Variants in GPHN observed in about 807,000 individuals in gnomAD.
GPHN encodes gephyrin.
In GPHN, 17 loss-of-function variants were observed where a neutral mutation model predicts 95.5. The observed-to-expected ratio is 0.18, with a 90% CI of 0.12 to 0.27. The LOEUF is 0.27. GPHN is among the 10% of genes least tolerant of loss of function. The probability of loss-of-function intolerance (pLI) is 1.00; values close to 1 mark genes in which losing one functional copy is unlikely to be tolerated. For synonymous variants in GPHN, 320 were observed against 322.5 expected (o/e 0.99, Z 0.08); for missense variants, 660 against 978.1 (o/e 0.67, Z 4.34).
At chr14:67,159,294 C>T (rs2153717578) in intron 18 of GPHN, 121 bp from the exon 19 acceptor site, 1 of 743,654 alleles carries the variant, frequency 1.3e-6, no homozygotes, top group East Asian at 2.6e-5. Context: ...AAATCAACTC[C>T]ATTAAAATAA....
chr14:66,724,522 G>A (rs2071050385), intron 2 of GPHN, among the ~76,000 whole-genome samples: 1 of 152,130 alleles, frequency 6.6e-6, no homozygotes, highest in Admixed American at 6.5e-5. Context: ...CTGAGGGGCT[G>A]GAGTGGGAAG....
At chr14:66,767,217 T>C (rs2058992843) in intron 2 of GPHN, among the ~76,000 whole-genome samples, 2 of 152,108 alleles carry the variant, frequency 1.3e-5, no homozygotes, top group South Asian at 4.1e-4. Context: ...ATAATTCCCT[T>C]AGTTAGTCCC....
the GPHN span, among the ~76,000 whole-genome samples, chr14:67,515,840 C>A: frequency 6.7e-6 from 1 of 150,072 alleles, no homozygotes; most frequent in East Asian, 2.0e-4. Flanking sequence ...TGTGGACCTG[C>A]GGTCAGTTCA....
intron 8 of GPHN, among the ~76,000 whole-genome samples, chr14:66,951,873 T>C (rs1201505777): frequency 6.6e-6 from 1 of 152,058 alleles, no homozygotes; most frequent in African/African-American, 2.4e-5. Context: ...ATAAATGAAA[T>C]TGGACCCCCT....
chr14:66,715,441 T>C (rs1456538102), intron 2 of GPHN, among the ~76,000 whole-genome samples: 1 of 152,136 alleles, frequency 6.6e-6, no homozygotes, highest in Non-Finnish European at 1.5e-5. Flanking sequence ...TTTTGTTTCA[T>C]TTATCTTTTG....
chr14:66,672,333 G>T (rs2066343820), intron 1 of GPHN, among the ~76,000 whole-genome samples: 1 of 152,104 alleles, frequency 6.6e-6, no homozygotes, highest in Admixed American at 6.5e-5. Context: ...TGTGAACGTG[G>T]TCCTTTTGGT....
chr14:66,709,376 C>T (rs945972144), intron 2 of GPHN: 2 of 455,858 alleles, frequency 4.4e-6, no homozygotes, highest in Admixed American at 2.4e-5. Flanking sequence ...TCCAAAACTG[C>T]CAGTGAATGG....
chr14:66,970,861 T>C (rs2069711215), intron 9 of GPHN, among the ~76,000 whole-genome samples: 2 of 152,352 alleles, frequency 1.3e-5, no homozygotes, highest in South Asian at 4.1e-4. Context: ...AAATATGTTT[T>C]CTTTTGTGAA....
chr14:66,686,290 A>AT (rs1302558264), intron 2 of GPHN, among the ~76,000 whole-genome samples: 8 of 152,182 alleles, frequency 5.3e-5, no homozygotes, highest in Non-Finnish European at 1.0e-4. Flanking sequence ...GAAGAAAGTC[A>AT]TGGTAGCTTG....
the GPHN span, among the ~76,000 whole-genome samples, chr14:67,505,308 T>C: frequency 6.6e-6 from 1 of 152,134 alleles, no homozygotes; most frequent in Admixed American, 6.5e-5. Flanking sequence ...CTGGCCCTCC[T>C]GTCAAGCTGG....
chr14:67,578,406 C>T, the GPHN span: 1 of 814,676 alleles, frequency 1.2e-6, no homozygotes, highest in Non-Finnish European at 2.0e-6. This position sits in a 1 kb window ranked among gnomAD's most constrained non-coding sequence, Gnocchi z 5.0. Context: ...TTGGCCATCC[C>T]AGCACCCAGA....
At chr14:66,835,131 T>C (rs2061741716) in intron 4 of GPHN, among the ~76,000 whole-genome samples, 1 of 151,640 alleles carries the variant, frequency 6.6e-6, no homozygotes, top group South Asian at 2.1e-4. Flanking sequence ...TTGTGTCTAT[T>C]TGATTCTTCT....
intron 2 of GPHN, among the ~76,000 whole-genome samples, chr14:66,731,340 T>C (rs1396753995): frequency 6.6e-6 from 1 of 152,100 alleles, no homozygotes; most frequent in African/African-American, 2.4e-5. Context: ...GACAGGAAAA[T>C]GTGGGAAAGT....
intron 11 of GPHN, among the ~76,000 whole-genome samples, chr14:67,067,344 T>G (rs1035962187): frequency 6.6e-6 from 1 of 152,162 alleles, no homozygotes; most frequent in Non-Finnish European, 1.5e-5. Context: ...GAGGGACACC[T>G]GCCTGTATGA....
In GPHN at chr14:66,562,654, T is replaced by C. The variant is rs577860801; in HGVS notation, c.64+54063T>C. Reference sequence around the variant, plus strand: ...AAGACAGGACGAAGGAAAGGGACTTTGAGCTACTAAGAACAGCAAATTGTA... The same window carrying C: ...AAGACAGGACGAAGGAAAGGGACTTCGAGCTACTAAGAACAGCAAATTGTA... On this transcript the variant is annotated intron_variant, in intron 1 of 22. Coordinates refer to ENST00000478722, the MANE Select transcript of GPHN (RefSeq NM_020806.5). Among the ~76,000 whole-genome samples, 17 of 152,286 alleles carry C rather than the reference T, an allele frequency of 1.1e-4. No homozygotes were observed. The South Asian group carries it at 3.5e-3, about 32-fold the overall frequency.
chr14:67,312,855 C>T, the GPHN span: 2 of 594,474 alleles, frequency 3.4e-6, no homozygotes, highest in Non-Finnish European at 2.7e-6. Context: ...TTATGTTGTA[C>T]CTGCAGCGTA....
chr14:67,279,319 T>C, the GPHN span: 1 of 1,613,314 alleles, frequency 6.2e-7, no homozygotes, highest in African/African-American at 1.3e-5. Context: ...ATGATGCCAA[T>C]ACGTCGAAGT....
the GPHN span, among the ~76,000 whole-genome samples, chr14:67,252,880 T>A: frequency 3.3e-5 from 5 of 152,250 alleles, no homozygotes; most frequent in Non-Finnish European, 7.3e-5. Context: ...GAAACACAAT[T>A]TCATTTATTC....
chr14:67,548,515 T>C, the GPHN span, among the ~76,000 whole-genome samples: 1 of 152,028 alleles, frequency 6.6e-6, no homozygotes, highest in Non-Finnish European at 1.5e-5. Flanking sequence ...CTGACCAACA[T>C]GGAGAAACCC....
Sources: allele counts gnomAD v4.1 joint callset (sites outside exome capture counted in the v4.1 genomes callset), GRCh38; gene constraint gnomAD v4.1.1; non-coding constraint Gnocchi (gnomAD v3.1); transcripts MANE v1.5; gene names NCBI Gene and HGNC (gene_info 2026-07-23, HGNC 2026-07-21).